HDAC9: variants seen among roughly 807,000 people sequenced by gnomAD.
HDAC9 encodes the protein histone deacetylase 9.
In HDAC9, 41 loss-of-function variants were observed where a neutral mutation model predicts 139.4. The observed-to-expected ratio is 0.29, with a 90% CI of 0.23 to 0.38. HDAC9 has a LOEUF of 0.38. Among genes scored for constraint, HDAC9 ranks in the 10% least tolerant of loss-of-function variants. The pLI, the probability that HDAC9 is intolerant of heterozygous loss-of-function variation, is 1.00. For synonymous variants in HDAC9, 517 were observed against 476.2 expected (o/e 1.09, Z -1.12); for missense variants, 1,147 against 1,297.0 (o/e 0.88, Z 1.78).
intron 1 of HDAC9, among the ~76,000 whole-genome samples, chr7:18,151,084 C>G (rs1786745849): frequency 6.6e-6 from 1 of 151,452 alleles, no homozygotes; most frequent in East Asian, 1.9e-4. Context: ...TTTTGCAGAA[C>G]TGGAATATAA....
intron 2 of HDAC9, among the ~76,000 whole-genome samples, chr7:18,540,103 CA>C (rs34620445): frequency 0.24 from 14,157 of 58,566 alleles, 708 homozygotes; most frequent in East Asian, 0.33. Context: ...ACTAAAAATA[CA>C]AAAAAAAAAA....
chr7:18,438,650 G>A (rs1791452901), intron 1 of HDAC9, among the ~76,000 whole-genome samples: 1 of 113,270 alleles, frequency 8.8e-6, no homozygotes, highest in Non-Finnish European at 1.9e-5. Flanking sequence ...GTGTGCGTGT[G>A]TGTGTGTGTG....
intron 24 of HDAC9, among the ~76,000 whole-genome samples, chr7:18,962,187 GT>G (rs1783570309): frequency 6.6e-6 from 1 of 152,192 alleles, no homozygotes; most frequent in South Asian, 2.1e-4. Context: ...AGCCCTGACT[GT>G]TGTCAGGTGG....
At chr7:18,597,349 C>G (rs1304136281) in intron 6 of HDAC9, among the ~76,000 whole-genome samples, 1 of 152,090 alleles carries the variant, frequency 6.6e-6, no homozygotes, top group Non-Finnish European at 1.5e-5. Context: ...TAGAATTATA[C>G]ATTGTAATTA....
intron 22 of HDAC9, among the ~76,000 whole-genome samples, chr7:18,891,192 A>G (rs1277718812): frequency 1.3e-5 from 2 of 152,226 alleles, no homozygotes; most frequent in African/African-American, 4.8e-5. Flanking sequence ...CCTTATGCAC[A>G]ATATTTCCTT....
chr7:18,834,623 A>T (rs1169886097), intron 19 of HDAC9, among the ~76,000 whole-genome samples: 1 of 152,210 alleles, frequency 6.6e-6, no homozygotes, highest in Non-Finnish European at 1.5e-5. Context: ...TATGATATTA[A>T]AATTAGGCAG....
chr7:18,634,128 A>T (rs1478395993), intron 7 of HDAC9, among the ~76,000 whole-genome samples: 1 of 152,088 alleles, frequency 6.6e-6, no homozygotes, highest in African/African-American at 2.4e-5. Flanking sequence ...GAACTAGTAT[A>T]TGCAATAATA....
chr7:18,187,557 C>G (rs1257316751), intron 2 of HDAC9, among the ~76,000 whole-genome samples: 2 of 152,182 alleles, frequency 1.3e-5, no homozygotes, highest in Non-Finnish European at 2.9e-5. Flanking sequence ...CTATTCCCCT[C>G]CACATCAAAT....
At chr7:18,733,426 T>C (rs556536235) in intron 13 of HDAC9, among the ~76,000 whole-genome samples, 1 of 151,144 alleles carries the variant, frequency 6.6e-6, no homozygotes, top group Non-Finnish European at 1.5e-5. Flanking sequence ...ATTTTTTCTT[T>C]TGTCAGGAAA....
intron 1 of HDAC9, among the ~76,000 whole-genome samples, chr7:18,121,130 A>C (rs1171422076): frequency 1.3e-5 from 2 of 152,230 alleles, no homozygotes; most frequent in Non-Finnish European, 2.9e-5. Flanking sequence ...ATTGGAATGT[A>C]AGAGGTAAGA....
At chr7:18,667,214 C>CA (rs1018448410) in intron 12 of HDAC9, 15 of 984,996 alleles carry the variant, frequency 1.5e-5, no homozygotes, top group Non-Finnish European at 1.8e-5. Flanking sequence ...CACTGTCTAT[C>CA]AAAAAAGAGC....
At chr7:18,272,413 AT>A (rs1269573009) in intron 2 of HDAC9, among the ~76,000 whole-genome samples, 1 of 152,082 alleles carries the variant, frequency 6.6e-6, no homozygotes, top group African/African-American at 2.4e-5. Flanking sequence ...TGTAGGGATA[AT>A]TTTTTTCTAC....
At chr7:18,865,052 A>C (rs1798390196) in intron 21 of HDAC9, among the ~76,000 whole-genome samples, 1 of 152,216 alleles carries the variant, frequency 6.6e-6, no homozygotes, top group Non-Finnish European at 1.5e-5. Flanking sequence ...CATTAAAACA[A>C]ACAAAACAAC....
At chr7:18,316,434 TA>T (rs1341076652) in intron 1 of HDAC9, among the ~76,000 whole-genome samples, 25 of 152,114 alleles carry the variant, frequency 1.6e-4, no homozygotes, top group Non-Finnish European at 3.7e-4. Context: ...ATGCATTCTA[TA>T]ATGGTTTTGT....
intron 1 of HDAC9, among the ~76,000 whole-genome samples, chr7:18,361,164 A>G (rs547640187): frequency 1.3e-5 from 2 of 152,284 alleles, no homozygotes; most frequent in East Asian, 3.9e-4. Flanking sequence ...TGTATTTTAT[A>G]GACTATACTA....
chr7:18,759,239 G>A (rs1042052672), intron 14 of HDAC9, among the ~76,000 whole-genome samples: 13 of 152,048 alleles, frequency 8.5e-5, no homozygotes, highest in Non-Finnish European at 1.6e-4. Context: ...CCTGGGCCAC[G>A]GACCACTACT....
chr7:18,747,145 A>G (rs1045576109), intron 13 of HDAC9, among the ~76,000 whole-genome samples: 2 of 152,170 alleles, frequency 1.3e-5, no homozygotes, highest in African/African-American at 4.8e-5. Context: ...ATAGAGAACA[A>G]AAGAGGGAGA....
At chr7:18,769,898 A>G (rs148826591) in intron 16 of HDAC9, among the ~76,000 whole-genome samples, 2,123 of 152,236 alleles carry the variant, frequency 0.014, 55 homozygotes, top group African/African-American at 0.049. Context: ...GTCTCAAATT[A>G]CTTAAGAGGG....
At chr7:18,934,918 C>T (rs1358598839) in intron 22 of HDAC9, among the ~76,000 whole-genome samples, 1 of 151,964 alleles carries the variant, frequency 6.6e-6, no homozygotes. Context: ...AACTCTCTGC[C>T]AATAGAAGAA....
Sources: allele counts gnomAD v4.1 joint callset (sites outside exome capture counted in the v4.1 genomes callset), GRCh38; gene constraint gnomAD v4.1.1; transcripts MANE v1.5; gene names NCBI Gene and HGNC (gene_info 2026-07-23, HGNC 2026-07-21).